Variants in KLHL8 observed in about 807,000 individuals in gnomAD.
KLHL8 encodes the protein kelch-like protein 8.
In KLHL8, 38 loss-of-function variants were observed where a neutral mutation model predicts 63.5. The ratio of observed to expected loss-of-function variants is 0.60; its 90% CI spans 0.46 to 0.78. The LOEUF (loss-of-function observed/expected upper bound fraction) is 0.78, where lower values mean the gene tolerates loss of function less well. Ranked by LOEUF, KLHL8 falls within the 30% of genes least tolerant of loss-of-function variation. KLHL8 has a pLI of 0.00. For missense variants in KLHL8, 566 were observed against 752.4 expected, an observed-to-expected ratio of 0.75 and a Z score of 2.90; for synonymous variants, 224 against 254.3, an observed-to-expected ratio of 0.88 and a Z score of 1.13.
In KLHL8 at chr4:87,170,236, G is replaced by T; in HGVS notation, c.1380C>A (p.Asn460Lys). 6.2e-7 allele frequency: 1 copy of T among 1,606,182 alleles called. No individual in the cohort carries two copies. Among genetic ancestry groups the T allele is most frequent in the Non-Finnish European group, 8.5e-7 (1 of 1,177,166 alleles). ...CATTGCCACCTACTGCATAAACATG[G>T]TTCTAAATGAAGAGAGTCAAACAAA... Reference protein sequence around the residue: ...RGGVGSVALVNHVYAVGGNDG... With the variant: ...RGGVGSVALVKHVYAVGGNDG... Residue 460 changes from asparagine to lysine, a missense_variant and splice_region_variant, in exon 8 of 10, where the codon AAC (asparagine) becomes AAA (lysine). Coordinates refer to ENST00000273963, the MANE Select transcript of KLHL8 (RefSeq NM_020803.5).
chr4:87,174,806 G>A (rs1730763219), intron 6 of KLHL8, among the ~76,000 whole-genome samples: 1 of 152,090 alleles, frequency 6.6e-6, no homozygotes, highest in African/African-American at 2.4e-5. Context: ...CCCATTTGGT[G>A]CAAAATATAT....
At chr4:87,238,949 G>T (rs1163331880) in intron 1 of KLHL8, among the ~76,000 whole-genome samples, 2 of 151,986 alleles carry the variant, frequency 1.3e-5, no homozygotes, top group East Asian at 3.9e-4. Context: ...CATTCCATTT[G>T]GTCTCTCTAG....
At chr4:87,174,729 C>T (rs193088395) in intron 6 of KLHL8, among the ~76,000 whole-genome samples, 1 of 152,054 alleles carries the variant, frequency 6.6e-6, no homozygotes, top group Non-Finnish European at 1.5e-5. Context: ...TAAGCTCAGT[C>T]TTTGAAATCC....
chr4:87,230,947 C>G (rs558942624), intron 1 of KLHL8, among the ~76,000 whole-genome samples: 3 of 152,202 alleles, frequency 2.0e-5, no homozygotes, highest in Non-Finnish European at 4.4e-5. Context: ...GACATCGGGG[C>G]TGTGTAGCAT....
At chr4:87,207,013 C>A in intron 1 of KLHL8, 1 of 305,596 alleles carries the variant, frequency 3.3e-6, no homozygotes. Context: ...AAAACTGGGT[C>A]AACTTGGCTC....
chr4:87,170,718 CAA>C, intron 6 of KLHL8, 103 bp from the exon 7 acceptor site: 1 of 969,850 alleles, frequency 1.0e-6, no homozygotes, highest in Non-Finnish European at 1.5e-6. Flanking sequence ...TGTTAACCTT[CAA>C]ACAGTATAGT....
intron 1 of KLHL8, among the ~76,000 whole-genome samples, chr4:87,199,278 C>A (rs1481949): frequency 0.95 from 145,292 of 152,214 alleles, 69,685 homozygotes; most frequent in East Asian, 1. Flanking sequence ...TAAAAATATT[C>A]CATGCAAAAG....
At chr4:87,166,943 G>A in intron 8 of KLHL8, 1 of 169,422 alleles carries the variant, frequency 5.9e-6, no homozygotes, top group African/African-American at 2.4e-5. Flanking sequence ...GGATGCGGGG[G>A]CCGCTCCTGC....
chr4:87,184,299 G>A (rs1200310992), intron 3 of KLHL8, among the ~76,000 whole-genome samples: 1 of 150,734 alleles, frequency 6.6e-6, no homozygotes, highest in Non-Finnish European at 1.5e-5. Flanking sequence ...CATAAATATT[G>A]TGATATGCAC....
intron 1 of KLHL8, among the ~76,000 whole-genome samples, chr4:87,198,382 T>A (rs909921982): frequency 4.6e-5 from 7 of 152,202 alleles, no homozygotes; most frequent in African/African-American, 1.7e-4. Context: ...CATAGTTTGC[T>A]GATCCCTGAG....
At chr4:87,167,457 C>A (rs913670097) in intron 8 of KLHL8, 3 of 502,686 alleles carry the variant, frequency 6.0e-6, no homozygotes, top group East Asian at 1.1e-4. Context: ...TGTTCTGCCC[C>A]ATCAAGCCAA....
intron 1 of KLHL8, among the ~76,000 whole-genome samples, chr4:87,209,103 G>A (rs1004205806): frequency 5.9e-5 from 9 of 152,104 alleles, no homozygotes; most frequent in African/African-American, 1.7e-4. Flanking sequence ...CTCAGTAGAC[G>A]TTAGGACTTA....
chr4:87,218,270 G>A (rs1253499201), intron 1 of KLHL8, among the ~76,000 whole-genome samples: 2 of 148,526 alleles, frequency 1.3e-5, no homozygotes, highest in African/African-American at 2.5e-5. Context: ...ATGGAGTCTC[G>A]TTCTATTGCC....
chr4:87,183,151 C>T, intron 4 of KLHL8, 52 bp downstream of exon 4: 24 of 1,382,266 alleles, frequency 1.7e-5, no homozygotes, highest in Non-Finnish European at 2.3e-5. Flanking sequence ...ATGAACAACC[C>T]TCAAATACAA....
intron 1 of KLHL8, among the ~76,000 whole-genome samples, chr4:87,236,000 T>C (rs1733220873): frequency 6.6e-6 from 1 of 152,098 alleles, no homozygotes; most frequent in Non-Finnish European, 1.5e-5. Context: ...ACAGCAGTAG[T>C]GACGAAGCGC....
chr4:87,236,397 C>T (rs146906604), intron 1 of KLHL8, among the ~76,000 whole-genome samples: 3,748 of 151,502 alleles, frequency 0.025, 149 homozygotes, highest in African/African-American at 0.086. Context: ...TTGGTAGAGA[C>T]GGGATTTCAC....
chr4:87,206,175 A>G (rs917580740), intron 1 of KLHL8, among the ~76,000 whole-genome samples: 1 of 152,086 alleles, frequency 6.6e-6, no homozygotes, highest in Admixed American at 6.5e-5. Context: ...TCCTATTGTC[A>G]TTGAACTCTA....
At chr4:87,205,339 C>T (rs1379952522) in intron 1 of KLHL8, among the ~76,000 whole-genome samples, 4 of 152,034 alleles carry the variant, frequency 2.6e-5, no homozygotes, top group Non-Finnish European at 4.4e-5. Context: ...CCCAGGAGGT[C>T]GAGGCCACAG....
At chr4:87,234,336 G>C (rs1402574900) in intron 1 of KLHL8, among the ~76,000 whole-genome samples, 1 of 152,084 alleles carries the variant, frequency 6.6e-6, no homozygotes, top group East Asian at 1.9e-4. Flanking sequence ...CTACTCAGGA[G>C]GCTGAGGCAG....
Sources: gnomAD v4.1 joint callset for allele counts (sites outside exome capture counted in the v4.1 genomes callset) on GRCh38, gnomAD v4.1.1 for gene constraint, MANE v1.5 for transcripts, NCBI Gene and HGNC (gene_info 2026-07-23, HGNC 2026-07-21) for gene names.